AHI1: variants seen among roughly 807,000 people sequenced by gnomAD.
AHI1 encodes the protein jouberin.
Under a neutral mutation model 149.3 loss-of-function variants are expected in AHI1, and 123 were observed. That is an observed-to-expected ratio of 0.82 (90% confidence interval 0.71 to 0.96). AHI1 has a LOEUF of 0.96. AHI1 is among the 40% of genes least tolerant of loss of function. The probability of loss-of-function intolerance (pLI) is 0.00; values close to 1 mark genes in which losing one functional copy is unlikely to be tolerated. For synonymous variants in AHI1, 475 were observed against 459.8 expected, an observed-to-expected ratio of 1.03 and a Z score of -0.42; for missense variants, 1,439 against 1,422.7, an observed-to-expected ratio of 1.01 and a Z score of -0.18.
chr6:135,364,090 C>T (rs1339912289), intron 23 of AHI1, among the ~76,000 whole-genome samples: 2 of 151,610 alleles, frequency 1.3e-5, no homozygotes, highest in Non-Finnish European at 1.5e-5. Context: ...CACCTCCCTC[C>T]CGGACGAGGT....
intron 26 of AHI1, among the ~76,000 whole-genome samples, chr6:135,309,894 C>T (rs929739303): frequency 2.0e-4 from 30 of 151,998 alleles, no homozygotes; most frequent in African/African-American, 7.0e-4. Context: ...AGTAAGAAAA[C>T]TTCAAATATT....
chr6:135,397,478 G>A (rs1323633446), intron 22 of AHI1, among the ~76,000 whole-genome samples: 4 of 151,762 alleles, frequency 2.6e-5, no homozygotes, highest in Non-Finnish European at 4.4e-5. Flanking sequence ...CCATATTGGA[G>A]AAAACTAAAA....
chr6:135,489,170 A>G (rs763450676), intron 5 of AHI1, among the ~76,000 whole-genome samples: 48 of 152,140 alleles, frequency 3.2e-4, no homozygotes, highest in Non-Finnish European at 2.9e-4. Context: ...GAGCTGCGAA[A>G]TATCTTCCCA....
chr6:135,471,738 C>T (rs1403452147), intron 5 of AHI1, among the ~76,000 whole-genome samples: 1 of 151,944 alleles, frequency 6.6e-6, no homozygotes, highest in Non-Finnish European at 1.5e-5. Context: ...TCAGGCCGGG[C>T]GCGGTGGCTC....
intron 9 of AHI1, among the ~76,000 whole-genome samples, chr6:135,456,509 C>A (rs1384797532): frequency 6.7e-6 from 1 of 149,730 alleles, no homozygotes; most frequent in Non-Finnish European, 1.5e-5. Flanking sequence ...TGCACCACTG[C>A]ACTCCAGCCA....
intron 23 of AHI1, among the ~76,000 whole-genome samples, chr6:135,366,405 C>A (rs894502235): frequency 2.6e-5 from 4 of 152,150 alleles, no homozygotes; most frequent in Non-Finnish European, 4.4e-5. Flanking sequence ...AGCTGTGAAT[C>A]CATCTAGTCC....
At chr6:135,410,883 C>A (rs1039394890) in intron 21 of AHI1, among the ~76,000 whole-genome samples, 1 of 152,172 alleles carries the variant, frequency 6.6e-6, no homozygotes, top group Admixed American at 6.5e-5. Context: ...CATTTTGTCA[C>A]CCAGGCTGGA....
chr6:135,350,623 A>AAGTGTAAT (rs1400540813), intron 24 of AHI1, among the ~76,000 whole-genome samples: 6 of 152,236 alleles, frequency 3.9e-5, no homozygotes, highest in Non-Finnish European at 8.8e-5. Context: ...AAAAAAAAGA[A>AAGTGTAAT]AGTGTAATAA....
intron 9 of AHI1, among the ~76,000 whole-genome samples, chr6:135,456,560 AG>A (rs1363498367): frequency 6.6e-6 from 1 of 151,588 alleles, no homozygotes; most frequent in Non-Finnish European, 1.5e-5. Flanking sequence ...AAAAAAAAAA[AG>A]ACATAAAATT....
chr6:135,426,215 T>C (rs1267872909), intron 20 of AHI1, among the ~76,000 whole-genome samples: 1 of 151,776 alleles, frequency 6.6e-6, no homozygotes, highest in Non-Finnish European at 1.5e-5. Context: ...AATGGTACTG[T>C]GTTGCTTGGC....
chr6:135,422,457 G>C (rs1360676001), intron 20 of AHI1, among the ~76,000 whole-genome samples: 1 of 151,680 alleles, frequency 6.6e-6, no homozygotes, highest in East Asian at 1.9e-4. Flanking sequence ...AGTGAGCTGT[G>C]ATTGTGCTAC....
intron 23 of AHI1, among the ~76,000 whole-genome samples, chr6:135,384,407 T>G (rs1303979820): frequency 6.6e-6 from 1 of 152,216 alleles, no homozygotes; most frequent in Non-Finnish European, 1.5e-5. Flanking sequence ...ATGACAAGTC[T>G]CTGAAATGAA....
chr6:135,444,546 A>C (rs920594858), intron 13 of AHI1, among the ~76,000 whole-genome samples: 4 of 152,180 alleles, frequency 2.6e-5, no homozygotes, highest in African/African-American at 9.6e-5. Context: ...TACCTTGAGC[A>C]TCCTAGTCTA....
chr6:135,485,717 C>T (rs1187473461), intron 5 of AHI1, among the ~76,000 whole-genome samples: 1 of 151,890 alleles, frequency 6.6e-6, no homozygotes, highest in Admixed American at 6.6e-5. Flanking sequence ...ATTTTGTATA[C>T]TTATTTTGTT....
At chr6:135,459,794 C>A (rs1289558504) in intron 8 of AHI1, among the ~76,000 whole-genome samples, 2 of 147,270 alleles carry the variant, frequency 1.4e-5, no homozygotes, top group Admixed American at 1.4e-4. Context: ...TGATTTGTAT[C>A]AAGGCAAGCA....
Position 135,411,519 on chromosome 6 carries a change from G to C in AHI1, c.2790C>G (p.Phe930Leu). Reference protein sequence around the residue: ...FHVAQQEAEMFKRYNGTFPLP... With the variant: ...FHVAQQEAEMLKRYNGTFPLP... ...ATGGAAATGTTCCATTGTAGCGTTT[G>C]AACATTTCAGCCTCCTGCTGGGCAA... The change falls in exon 21 of 29, where the codon TTC becomes TTG. Residue 930 changes from phenylalanine to leucine, a missense_variant. Coordinates refer to ENST00000265602, the MANE Select transcript of AHI1 (RefSeq NM_001134831.2). The C allele has an allele frequency of 6.3e-7, 1 of 1,591,396 alleles. No individual in the cohort carries two copies. Among genetic ancestry groups the C allele is most frequent in the Non-Finnish European group, 8.6e-7 (1 of 1,167,398 alleles).
At chr6:135,302,384 T>A (rs1562462208) in intron 26 of AHI1, 1 of 988,530 alleles carries the variant, frequency 1.0e-6, no homozygotes, top group Non-Finnish European at 1.2e-6. Context: ...TTTAATTATT[T>A]TTTGTTATCC....
At chr6:135,480,567 C>G (rs2128121369) in intron 5 of AHI1, among the ~76,000 whole-genome samples, 1 of 152,276 alleles carries the variant, frequency 6.6e-6, no homozygotes, top group South Asian at 2.1e-4. Context: ...CTCAAAAACT[C>G]ACGTTAAAAT....
At chr6:135,412,658 A>T (rs1283886793) in intron 20 of AHI1, among the ~76,000 whole-genome samples, 1 of 152,218 alleles carries the variant, frequency 6.6e-6, no homozygotes, top group East Asian at 1.9e-4. Context: ...AAACACATGA[A>T]CTTGAAAAAT....
Sources: allele counts gnomAD v4.1 joint callset (sites outside exome capture counted in the v4.1 genomes callset), GRCh38; gene constraint gnomAD v4.1.1; transcripts MANE v1.5; gene names NCBI Gene and HGNC (gene_info 2026-07-23, HGNC 2026-07-21).